The following FAM117B variants were observed in gnomAD, a reference collection of about 807,000 sequenced individuals.
The protein encoded by FAM117B is protein FAM117B.
FAM117B carries 22 observed loss-of-function variants against 52.8 expected under a neutral mutation model. The observed-to-expected ratio is 0.42, with a 90% CI of 0.30 to 0.59. The LOEUF (loss-of-function observed/expected upper bound fraction) is 0.59. Ranked by LOEUF, FAM117B falls within the 20% of genes least tolerant of loss-of-function variation. FAM117B has a pLI of 0.22. For synonymous variants in FAM117B, 309 were observed against 324.1 expected, an observed-to-expected ratio of 0.95 and a Z score of 0.50; for missense variants, 678 against 802.6, an observed-to-expected ratio of 0.84 and a Z score of 1.88.
intron 4 of FAM117B, among the ~76,000 whole-genome samples, chr2:202,733,024 G>A (rs1485364797): frequency 1.3e-5 from 2 of 152,108 alleles, no homozygotes; most frequent in South Asian, 2.1e-4. Context: ...TTCCCTAAGT[G>A]TCGGCTAGTC....
rs59174452 is a variant in FAM117B, at chr2:202,702,956, A to G, written c.753+6924A>G. Among the ~76,000 whole-genome samples, 738 of 152,342 alleles carry G rather than the reference A, an allele frequency of 4.8e-3. 6 individuals are homozygous for G. Among genetic ancestry groups the G allele is most frequent in the African/African-American group, 0.017 (709 of 41,578 alleles). On this transcript the variant is annotated intron_variant, in intron 2 of 7. Coordinates refer to ENST00000392238, the MANE Select transcript of FAM117B (RefSeq NM_173511.4). ...ATAGTATAGTGCAAACATAACTTCT[A>G]TATGCACTGGGAAACCAAAGAAATT...
chr2:202,683,135 C>A (rs1690488383), intron 1 of FAM117B, among the ~76,000 whole-genome samples: 1 of 152,152 alleles, frequency 6.6e-6, no homozygotes, highest in South Asian at 2.1e-4. Context: ...CGAGACCAGC[C>A]TGGCTAGCAA....
At chr2:202,731,865 A>G (rs1390953390) in intron 4 of FAM117B, among the ~76,000 whole-genome samples, 4 of 151,996 alleles carry the variant, frequency 2.6e-5, no homozygotes, top group Non-Finnish European at 5.9e-5. Flanking sequence ...CCTCCTGAAT[A>G]GCTGGGATTA....
intron 1 of FAM117B, among the ~76,000 whole-genome samples, chr2:202,655,688 A>G (rs1690040936): frequency 7.9e-6 from 1 of 127,278 alleles, no homozygotes; most frequent in Non-Finnish European, 1.7e-5. Flanking sequence ...CTTGGCCTGG[A>G]GTGGGTGCGG....
intron 4 of FAM117B, 120 bp downstream of exon 4, chr2:202,726,483 T>C: frequency 3.0e-6 from 2 of 672,474 alleles, no homozygotes; most frequent in Non-Finnish European, 5.1e-6. Flanking sequence ...AACAGTGATT[T>C]AAATACTGAA....
intron 4 of FAM117B, among the ~76,000 whole-genome samples, chr2:202,741,846 G>A (rs1013439815): frequency 1.3e-5 from 2 of 152,040 alleles, no homozygotes; most frequent in South Asian, 4.1e-4. Context: ...GAAAATTTTT[G>A]TATGACTGCA....
chr2:202,741,150 C>T (rs751890997), intron 4 of FAM117B, among the ~76,000 whole-genome samples: 3 of 152,004 alleles, frequency 2.0e-5, no homozygotes, highest in Admixed American at 6.6e-5. Flanking sequence ...ACGCCAGGCG[C>T]GGTGGCTCAT....
intron 4 of FAM117B, among the ~76,000 whole-genome samples, chr2:202,730,661 C>G (rs965075576): frequency 6.6e-6 from 1 of 152,018 alleles, no homozygotes; most frequent in Non-Finnish European, 1.5e-5. Context: ...ATAGAGTTCT[C>G]TAAATAAACA....
At chr2:202,748,687 A>G (rs896339807) in intron 4 of FAM117B, among the ~76,000 whole-genome samples, 1 of 152,184 alleles carries the variant, frequency 6.6e-6, no homozygotes, top group Non-Finnish European at 1.5e-5. Flanking sequence ...CATAGATTAA[A>G]TGGCCAACAA....
At chr2:202,672,045 A>G (rs1690307866) in intron 1 of FAM117B, among the ~76,000 whole-genome samples, 1 of 152,192 alleles carries the variant, frequency 6.6e-6, no homozygotes. Context: ...GACCAGTTGC[A>G]TGGCTGTGAC....
intron 5 of FAM117B, 69 bp from the exon 6 acceptor site, chr2:202,757,144 C>T: frequency 1.4e-6 from 2 of 1,440,914 alleles, no homozygotes; most frequent in Non-Finnish European, 1.9e-6. Context: ...GGAAGGTTGA[C>T]ATTGGGTTCA....
chr2:202,693,493 G>T (rs1690664756), intron 1 of FAM117B, among the ~76,000 whole-genome samples: 1 of 152,176 alleles, frequency 6.6e-6, no homozygotes, highest in Non-Finnish European at 1.5e-5. Context: ...CTACTTGGAA[G>T]GCTGAGGCAG....
At chr2:202,739,177 A>G (rs1219327868) in intron 4 of FAM117B, among the ~76,000 whole-genome samples, 1 of 152,158 alleles carries the variant, frequency 6.6e-6, no homozygotes, top group African/African-American at 2.4e-5. Flanking sequence ...TGACAGAGTG[A>G]GACTCTTGTC....
chr2:202,742,425 C>G (rs1056639936), intron 4 of FAM117B, among the ~76,000 whole-genome samples: 3 of 152,168 alleles, frequency 2.0e-5, no homozygotes, highest in African/African-American at 7.2e-5. Flanking sequence ...ATGGTAAAGG[C>G]ATCTCAAATC....
intron 1 of FAM117B, among the ~76,000 whole-genome samples, chr2:202,661,233 G>C (rs563896918): frequency 6.6e-6 from 1 of 152,106 alleles, no homozygotes; most frequent in East Asian, 1.9e-4. Flanking sequence ...AGTGATAATT[G>C]GTGCTAGAGA....
chr2:202,748,941 G>A (rs1447667746), intron 4 of FAM117B, among the ~76,000 whole-genome samples: 1 of 152,136 alleles, frequency 6.6e-6, no homozygotes, highest in African/African-American at 2.4e-5. Flanking sequence ...GGTTGTGTGT[G>A]TGCGTGTACA....
At position 202,635,531 on chromosome 2, in the gene FAM117B, C is replaced by T; in HGVS notation, c.344C>T (p.Ala115Val). 1 of 1,147,840 alleles carries T rather than the reference C, an allele frequency of 8.7e-7. No homozygotes were observed. The highest frequency in any genetic ancestry group is 4.2e-5 in the South Asian group (1 of 23,858). 71.1% of individuals were successfully genotyped at this position (1,147,840 alleles called of 1,614,324 possible). ...TSPTVATQTG[A>V]SATSTRGTSP... ...CCCACGGTGGCCACGCAGACGGGCG[C>T]GTCCGCGACGTCCACGCGAGGCACC... Residue 115 changes from alanine (A) to valine (V), a missense_variant, in exon 1 of 8, where the codon GCG becomes GTG. By Grantham distance (64) the Ala-to-Val change is moderately conservative. Transcript: ENST00000392238.
At position 202,699,164 on chromosome 2, in the gene FAM117B, C is replaced by T. The variant is rs149356501; in HGVS notation, c.753+3132C>T. Among the ~76,000 whole-genome samples the T allele has an allele frequency of 3.7e-4, 57 of 152,056 alleles. 1 individual carries two copies. The highest frequency in any genetic ancestry group is 8.5e-4 in the Admixed American group (13 of 15,272). On this transcript the variant is annotated intron_variant, in intron 2 of 7. Coordinates refer to ENST00000392238, the MANE Select transcript of FAM117B (RefSeq NM_173511.4). ...ATTTAGATCTGGGTGTGGTGGCTCA[C>T]GCCTGTAATCCCAGCACTTTGGGAG...
In FAM117B at chr2:202,765,780, G is replaced by A; in HGVS notation, c.*16G>A. 1.9e-6 allele frequency: 3 copies of A among 1,608,666 alleles called. No individual in the cohort carries two copies. The African/African-American group carries it at 4.0e-5, about 21-fold the overall frequency. On this transcript the variant is annotated 3_prime_UTR_variant, in exon 8 of 8. Transcript: ENST00000392238. ...TGAAGGATAGGTCACAGTGCAACGT[G>A]GCTGTTGTTCTGGGAAATTGGGAAC...
Sources: allele counts gnomAD v4.1 joint callset (sites outside exome capture counted in the v4.1 genomes callset), GRCh38; gene constraint gnomAD v4.1.1; transcripts MANE v1.5; gene names NCBI Gene and HGNC (gene_info 2026-07-23, HGNC 2026-07-21).